The following ATRX variants were observed in gnomAD, a reference collection of about 807,000 sequenced individuals.
The protein encoded by ATRX is chromatin remodeler ATRX.
A neutral mutation model predicts 172.6 loss-of-function variants in ATRX; 12 were observed. The ratio of observed to expected loss-of-function variants is 0.07; its 90% CI spans 0.04 to 0.11. The LOEUF is 0.11. ATRX is among the 10% of genes least tolerant of loss of function. The pLI is 1.00. For synonymous variants in ATRX, 674 were observed against 594.7 expected (o/e 1.13, Z -1.94); for missense variants, 1,368 against 1,767.4 (o/e 0.77, Z 4.05).
At chrX:77,773,733 C>A (rs1241772849) in intron 1 of ATRX, among the ~76,000 whole-genome samples, 4 of 107,832 alleles carry the variant, frequency 3.7e-5, no homozygotes, top group Non-Finnish European at 7.7e-5. Context: ...GCCTGGGCGA[C>A]AGAGCAAGAC....
intron 27 of ATRX, among the ~76,000 whole-genome samples, chrX:77,578,700 C>A (rs1294953512): frequency 8.9e-6 from 1 of 112,167 alleles, no homozygotes; most frequent in East Asian, 2.8e-4. Context: ...ATGGTGAGAC[C>A]CAGCTTATTA....
chrX:77,632,129 G>A (rs781834447), intron 19 of ATRX, among the ~76,000 whole-genome samples: 1 of 111,233 alleles, frequency 9.0e-6, no homozygotes, highest in Non-Finnish European at 1.9e-5. Flanking sequence ...CTCCTGAGTA[G>A]CTGGGACTAC....
intron 27 of ATRX, among the ~76,000 whole-genome samples, chrX:77,577,353 T>C (rs1302483330): frequency 1.8e-5 from 2 of 111,480 alleles, no homozygotes; most frequent in African/African-American, 6.5e-5. Flanking sequence ...CATTTGCATT[T>C]CCCTAAGGAT....
intron 22 of ATRX, among the ~76,000 whole-genome samples, chrX:77,600,959 CTA>C (rs782407527): frequency 4.5e-5 from 5 of 111,626 alleles, no homozygotes; most frequent in African/African-American, 1.6e-4. Flanking sequence ...ACTAACACTA[CTA>C]TAGATTGTTG....
intron 28 of ATRX, among the ~76,000 whole-genome samples, chrX:77,573,240 G>A (rs2065482415): frequency 9.0e-6 from 1 of 111,269 alleles, no homozygotes; most frequent in African/African-American, 3.3e-5. Flanking sequence ...ATACCATTGT[G>A]TTCCAATTGC....
At chrX:77,780,229 G>A (rs1289876626) in intron 1 of ATRX, among the ~76,000 whole-genome samples, 1 of 111,542 alleles carries the variant, frequency 9.0e-6, no homozygotes, top group Non-Finnish European at 1.9e-5. Flanking sequence ...TAAATACACT[G>A]AATAAAGAAA....
chrX:77,514,215 T>C (rs2062978079), intron 34 of ATRX, among the ~76,000 whole-genome samples: 2 of 112,134 alleles, frequency 1.8e-5, no homozygotes, highest in Non-Finnish European at 3.8e-5. Flanking sequence ...GCTATTCCTA[T>C]CAAACTACTA....
chrX:77,599,043 G>C (rs1321240122), intron 25 of ATRX, among the ~76,000 whole-genome samples: 1 of 111,905 alleles, frequency 8.9e-6, no homozygotes, highest in Non-Finnish European at 1.9e-5. Context: ...TTTGAGATTA[G>C]ACATTTTTAG....
At chrX:77,784,380 A>G (rs1557206733) in intron 1 of ATRX, among the ~76,000 whole-genome samples, 1 of 112,514 alleles carries the variant, frequency 8.9e-6, no homozygotes, top group Non-Finnish European at 1.9e-5. Flanking sequence ...CTTGTGTAAA[A>G]TTAATTATTC....
chrX:77,671,147 C>CAAAAAAAAAA (rs34939100), intron 10 of ATRX, among the ~76,000 whole-genome samples: 1 of 15,289 alleles, frequency 6.5e-5, no homozygotes, highest in African/African-American at 3.1e-4. Context: ...GACTCTGTCT[C>CAAAAAAAAAA]AAAAAAAAAA....
intron 28 of ATRX, among the ~76,000 whole-genome samples, chrX:77,559,863 A>G (rs2064954791): frequency 8.9e-6 from 1 of 112,044 alleles, no homozygotes; most frequent in Non-Finnish European, 1.9e-5. Flanking sequence ...AAAATATAAT[A>G]AACAAGTACA....
Position 77,684,207 on chromosome X carries a change from T to C in ATRX, c.1049A>G (p.Lys350Arg). 3 of 1,211,215 alleles carry C rather than the reference T, an allele frequency of 2.5e-6. No homozygotes were observed. The highest frequency in any genetic ancestry group is 3.4e-6 in the Non-Finnish European group (3 of 895,335). Residue 350 changes from lysine (K) to arginine (R), a missense_variant, in exon 9 of 35, where the codon AAA becomes AGA. Lys to Arg is a conservative substitution (Grantham distance 26, BLOSUM62 2). Transcript: ENST00000373344. ...TTTTTTTGCCTTCTTAATCATCTCT[T>C]TGGGCACAATTAGTGCGGAATAAGA... Reference protein sequence around the residue: ...TYSYSALIVPKEMIKKAKKLI... With the variant: ...TYSYSALIVPREMIKKAKKLI...
chrX:77,554,626 T>G (rs1004624389), intron 30 of ATRX, among the ~76,000 whole-genome samples: 4 of 111,866 alleles, frequency 3.6e-5, no homozygotes, highest in Non-Finnish European at 7.5e-5. Context: ...CCCAAACTGT[T>G]CAATCTCTCA....
intron 22 of ATRX, among the ~76,000 whole-genome samples, chrX:77,606,577 T>C (rs1377835897): frequency 9.3e-6 from 1 of 107,660 alleles, no homozygotes; most frequent in Non-Finnish European, 1.9e-5. Context: ...ATTAAAAAGG[T>C]CATTCATCAT....
intron 9 of ATRX, among the ~76,000 whole-genome samples, chrX:77,679,643 G>T (rs986137250): frequency 9.0e-6 from 1 of 111,409 alleles, no homozygotes; most frequent in Non-Finnish European, 1.9e-5. Context: ...GAGATCTTAA[G>T]AAAAGTAGTA....
chrX:77,626,696 T>C (rs1428586483), intron 19 of ATRX, among the ~76,000 whole-genome samples: 1 of 111,933 alleles, frequency 8.9e-6, no homozygotes, highest in African/African-American at 3.3e-5. Flanking sequence ...GGAGAATACA[T>C]GCTTCTGTAA....
intron 28 of ATRX, among the ~76,000 whole-genome samples, chrX:77,564,427 C>T (rs2065125570): frequency 9.1e-6 from 1 of 110,274 alleles, no homozygotes; most frequent in Admixed American, 9.6e-5. Flanking sequence ...GAATTGTCAC[C>T]CACACTGGAG....
At position 77,772,602 on chromosome X, in the gene ATRX, G is replaced by A. The variant is rs190545384; in HGVS notation, c.20+13380C>T. Among the ~76,000 whole-genome samples, 95 of 106,941 alleles carry A rather than the reference G, an allele frequency of 8.9e-4. 1 individual carries two copies. In the East Asian group the frequency reaches 0.024, roughly 27 times the overall value. The allele number at this position is 106,941 out of a possible 115,157, so 92.9% of individuals were successfully genotyped here. A position where few individuals can be genotyped will look rare whatever the true frequency, so the allele number is the denominator to read the frequency against. ...AGCAATTCTCCTGCCTCAGCCTCCC[G>A]AGTAGCTGGGACTTCAGGCATACAC... is the stretch of plus-strand genomic sequence containing the variant. On this transcript the variant is annotated intron_variant, in intron 1 of 34. Transcript: ENST00000373344.
At chrX:77,511,581 C>T (rs1557036533) in intron 34 of ATRX, among the ~76,000 whole-genome samples, 1 of 111,545 alleles carries the variant, frequency 9.0e-6, no homozygotes, top group African/African-American at 3.3e-5. Context: ...GGAGAAGAAA[C>T]TGATAATCAC....
Sources: allele counts gnomAD v4.1 joint callset (sites outside exome capture counted in the v4.1 genomes callset), GRCh38; gene constraint gnomAD v4.1.1; transcripts MANE v1.5; gene names NCBI Gene and HGNC (gene_info 2026-07-23, HGNC 2026-07-21).